Variants in AKAP10 observed in about 807,000 individuals in gnomAD.
AKAP10 encodes A-kinase anchoring protein 10, also known as A-kinase anchor protein 10, mitochondrial.
Under a neutral mutation model 80.8 loss-of-function variants are expected in AKAP10, and 24 were observed. That is an observed-to-expected ratio of 0.30 (90% CI 0.22 to 0.42). The LOEUF (loss-of-function observed/expected upper bound fraction) is 0.42. AKAP10 is among the 10% of genes least tolerant of loss of function. AKAP10 has a pLI of 1.00. For missense variants in AKAP10, 661 were observed against 794.9 expected (o/e 0.83, Z 2.03); for synonymous variants, 291 against 277.7 (o/e 1.05, Z -0.48).
chr17:19,955,450 T>C (rs1004884822), intron 4 of AKAP10, among the ~76,000 whole-genome samples: 3 of 152,142 alleles, frequency 2.0e-5, no homozygotes, highest in African/African-American at 7.2e-5. Flanking sequence ...TATTTGAAGA[T>C]AATGAAAAAG....
chr17:19,931,230 T>C (rs1280311606), intron 10 of AKAP10, among the ~76,000 whole-genome samples: 2 of 152,202 alleles, frequency 1.3e-5, no homozygotes, highest in African/African-American at 2.4e-5. Context: ...TCAGAGGCTA[T>C]GAATATATTC....
intron 4 of AKAP10, among the ~76,000 whole-genome samples, chr17:19,953,451 AATC>A (rs2043238124): frequency 6.6e-6 from 1 of 152,124 alleles, no homozygotes; most frequent in Non-Finnish European, 1.5e-5. Flanking sequence ...ACAACAGAAA[AATC>A]AAAACAAAAG....
chr17:19,946,647 A>G (rs1418643275), intron 5 of AKAP10, among the ~76,000 whole-genome samples: 2 of 148,936 alleles, frequency 1.3e-5, no homozygotes, highest in Admixed American at 6.8e-5. Context: ...GGTCCAACAT[A>G]TAAGAAAAAC....
In AKAP10 at chr17:19,977,587, G is replaced by C; in HGVS notation, c.88+5C>G. On this transcript the variant is annotated splice_donor_5th_base_variant and intron_variant, in intron 1 of 14. Coordinates refer to ENST00000225737, the MANE Select transcript of AKAP10 (RefSeq NM_007202.4). ...CTGACTCCCCGCCGGCGCCCCCTCA[G>C]CTACCTTTCCGCCGGAAGAAGGACA... The C allele has an allele frequency of 8.1e-7, 1 of 1,233,802 alleles. No homozygotes were observed. The highest frequency in any genetic ancestry group is 1.0e-6 in the Non-Finnish European group (1 of 987,824). 76.4% of individuals were successfully genotyped at this position (1,233,802 alleles called of 1,614,324 possible). A position where few individuals can be genotyped will look rare whatever the true frequency, so the allele number is the denominator to read the frequency against.
chr17:19,921,048 T>C (rs908101174), intron 11 of AKAP10, among the ~76,000 whole-genome samples: 1 of 147,120 alleles, frequency 6.8e-6, no homozygotes. Flanking sequence ...ACAGAAATAA[T>C]GTGAAAAAGA....
chr17:19,977,258 T>C lies in AKAP10; in HGVS notation c.88+334A>G, dbSNP rs572347314. Among the ~76,000 whole-genome samples, 56 of 152,304 alleles carry C rather than the reference T, an allele frequency of 3.7e-4. 2 individuals are homozygous for C. In the South Asian group the frequency reaches 0.011, roughly 30 times the overall value. ...TTCCATAATAAGGTTCTAAAGAGAT[T>C]TCCTTGATCTTGATCCACGGTCCTC... is the stretch of plus-strand genomic sequence containing the variant. On this transcript the variant is annotated intron_variant, in intron 1 of 14. Transcript: ENST00000225737.
At chr17:19,963,132 T>A in intron 2 of AKAP10, 110 bp from the exon 3 acceptor site, 2 of 883,582 alleles carry the variant, frequency 2.3e-6, no homozygotes, top group Non-Finnish European at 3.3e-6. Context: ...ACATTACTCT[T>A]AAGTCAGCAT....
chr17:19,972,089 T>C (rs1255948755), intron 1 of AKAP10, among the ~76,000 whole-genome samples: 6 of 152,122 alleles, frequency 3.9e-5, no homozygotes, highest in African/African-American at 9.7e-5. Context: ...CTGGGCGACA[T>C]AGACTGTCTC....
chr17:19,975,850 G>GC (rs1257743229), intron 1 of AKAP10, among the ~76,000 whole-genome samples: 2 of 152,020 alleles, frequency 1.3e-5, no homozygotes, highest in African/African-American at 4.8e-5. Context: ...TTCTTAGAAT[G>GC]TTTTCCCCCC....
intron 2 of AKAP10, 56 bp from the exon 3 acceptor site, chr17:19,963,078 C>G: frequency 2.8e-6 from 4 of 1,411,308 alleles, no homozygotes; most frequent in Non-Finnish European, 3.8e-6. Flanking sequence ...GCCTAAAACT[C>G]TCATAAAGGG....
In AKAP10 at chr17:19,949,699, C is replaced by G. The variant is rs868015226; in HGVS notation, c.878-2194G>C. ...AGGAGAAACACTTGAACCCAGGAGG[C>G]GGAGGTTGCAGTGAGCCAAGATCAC... On this transcript the variant is annotated intron_variant, in intron 4 of 14. Transcript: ENST00000225737. 2.1e-5 allele frequency among the ~76,000 whole-genome samples: 3 copies of G among 143,760 alleles called. No homozygotes were observed. The South Asian group carries it at 7.1e-4, about 34-fold the overall frequency. The allele number at this position is 143,760 out of a possible 152,430, so 94.3% of individuals were successfully genotyped here.
chr17:19,943,112 C>T (rs1003826029), intron 5 of AKAP10, among the ~76,000 whole-genome samples: 10 of 152,070 alleles, frequency 6.6e-5, no homozygotes, highest in African/African-American at 1.7e-4. Flanking sequence ...TGGTTTTGAT[C>T]TCATGGCCTG....
chr17:19,924,081 T>A (rs965573243), intron 11 of AKAP10, among the ~76,000 whole-genome samples: 3 of 152,140 alleles, frequency 2.0e-5, no homozygotes, highest in African/African-American at 7.2e-5. Flanking sequence ...ATTCTTAAAC[T>A]CAAAGGAATA....
intron 4 of AKAP10, among the ~76,000 whole-genome samples, chr17:19,950,801 G>C (rs112028881): frequency 0.019 from 2,851 of 149,516 alleles, 90 homozygotes; most frequent in African/African-American, 0.067. Flanking sequence ...CCCTCTGACC[G>C]GCCGCCCCGT....
In AKAP10 at chr17:19,946,269, AT is replaced by A. The variant is rs2043126270; in HGVS notation, c.976+1137del. 1.0e-3 allele frequency among the ~76,000 whole-genome samples: 26 copies of A among 26,042 alleles called. 1 individual carries two copies. The highest frequency in any genetic ancestry group is 1.7e-3 in the Non-Finnish European group (26 of 15,606). 17.1% of individuals were successfully genotyped at this position (26,042 alleles called of 152,430 possible). A position where few individuals can be genotyped will look rare whatever the true frequency, so the allele number is the denominator to read the frequency against. ...TATATATATATATATATATATATAT[AT>A]ATATATTTTTTTTTTTTTTTTTTTT... On this transcript the variant is annotated intron_variant, in intron 5 of 14. Coordinates refer to ENST00000225737, the MANE Select transcript of AKAP10 (RefSeq NM_007202.4).
intron 5 of AKAP10, among the ~76,000 whole-genome samples, chr17:19,946,257 ATATATATATATATATATATTTTTT>A: frequency 1.8e-4 from 4 of 22,718 alleles, no homozygotes; most frequent in Non-Finnish European, 3.1e-4. Context: ...ATATATATAT[ATATATATATATATATATATTTTTT>A]TTTTTTTTTT....
intron 4 of AKAP10, among the ~76,000 whole-genome samples, chr17:19,951,428 G>C (rs1190644372): frequency 1.3e-5 from 2 of 152,278 alleles, no homozygotes; most frequent in Non-Finnish European, 2.9e-5. Flanking sequence ...GGGCCATGAT[G>C]ACGATGGCAG....
At chr17:19,941,133 T>TC in intron 6 of AKAP10, 123 bp from the exon 7 acceptor site, 1 of 995,330 alleles carries the variant, frequency 1.0e-6, no homozygotes, top group South Asian at 2.1e-5. Flanking sequence ...ACTACCTTAC[T>TC]CCCCATGGTG....
At chr17:19,960,031 G>C (rs2043329515) in intron 3 of AKAP10, among the ~76,000 whole-genome samples, 1 of 152,142 alleles carries the variant, frequency 6.6e-6, no homozygotes, top group Non-Finnish European at 1.5e-5. Context: ...CGGATCACTA[G>C]AGCCCAGGAG....
Sources: allele counts gnomAD v4.1 joint callset (sites outside exome capture counted in the v4.1 genomes callset), GRCh38; gene constraint gnomAD v4.1.1; transcripts MANE v1.5; gene names NCBI Gene and HGNC (gene_info 2026-07-23, HGNC 2026-07-21).